The following CCDC171 variants were observed in gnomAD, a reference collection of about 807,000 sequenced individuals.
CCDC171 encodes coiled-coil domain containing 171.
In CCDC171, 177 loss-of-function variants were observed where a neutral mutation model predicts 168.2. The observed-to-expected ratio is 1.05, with a 90% CI of 0.93 to 1.19. The LOEUF is 1.19. CCDC171 is among the 50% of genes most tolerant of loss of function. CCDC171 has a pLI of 0.00. For missense variants in CCDC171, 1,991 were observed against 1,539.0 expected (o/e 1.29, Z -4.91); for synonymous variants, 687 against 540.8 (o/e 1.27, Z -3.75).
chr9:15,918,645 A>G (rs1008654083), intron 24 of CCDC171, among the ~76,000 whole-genome samples: 4 of 150,948 alleles, frequency 2.6e-5, no homozygotes, highest in African/African-American at 9.7e-5. Context: ...AGGTTAGGAT[A>G]TGTCAGATAT....
chr9:16,021,749 G>T (rs1224335921), intron 4 of CCDC171, among the ~76,000 whole-genome samples: 1 of 152,202 alleles, frequency 6.6e-6, no homozygotes, highest in Admixed American at 6.5e-5. Context: ...ATGAAATAAT[G>T]TGAGCAAAAG....
chr9:15,590,944 G>C (rs954547341), intron 4 of CCDC171, among the ~76,000 whole-genome samples: 3 of 150,832 alleles, frequency 2.0e-5, no homozygotes, highest in Non-Finnish European at 4.4e-5. Flanking sequence ...TGAACTCCTA[G>C]GCTCAAGTGA....
chr9:16,033,394 A>G (rs1373612756), intron 6 of CCDC171, among the ~76,000 whole-genome samples: 2 of 152,174 alleles, frequency 1.3e-5, no homozygotes, highest in African/African-American at 4.8e-5. Flanking sequence ...ACCTCCTATC[A>G]GAACAGCAGC....
intron 7 of CCDC171, among the ~76,000 whole-genome samples, chr9:15,643,416 A>T (rs368235030): frequency 6.6e-6 from 1 of 152,196 alleles, no homozygotes; most frequent in Non-Finnish European, 1.5e-5. Context: ...ATCATGCTTT[A>T]TACCTACAAC....
At chr9:15,598,642 A>C (rs530244811) in intron 6 of CCDC171, among the ~76,000 whole-genome samples, 1 of 152,124 alleles carries the variant, frequency 6.6e-6, no homozygotes, top group East Asian at 1.9e-4. Context: ...TGGTGTGGAG[A>C]GTTCTGTAGA....
intron 7 of CCDC171, among the ~76,000 whole-genome samples, chr9:15,633,293 C>A (rs1260061662): frequency 6.6e-6 from 1 of 152,046 alleles, no homozygotes; most frequent in African/African-American, 2.4e-5. Flanking sequence ...GGCTAATATC[C>A]AGAATCTACA....
At chr9:15,687,322 G>A (rs1390662685) in intron 10 of CCDC171, among the ~76,000 whole-genome samples, 1 of 152,012 alleles carries the variant, frequency 6.6e-6, no homozygotes, top group Non-Finnish European at 1.5e-5. Context: ...GGGGCATGGT[G>A]GTCCATGCCT....
At chr9:15,649,589 G>A (rs1428818304) in intron 7 of CCDC171, among the ~76,000 whole-genome samples, 1 of 152,120 alleles carries the variant, frequency 6.6e-6, no homozygotes, top group African/African-American at 2.4e-5. Context: ...GTGGGTGAAG[G>A]ATATGAACAG....
In CCDC171 at chr9:15,971,963, A is replaced by C. The variant is rs1411688074; in HGVS notation, c.*127A>C. The C allele has an allele frequency of 2.7e-6, 2 of 727,934 alleles. No homozygotes were observed. Among genetic ancestry groups the C allele is most frequent in the Non-Finnish European group, 4.6e-6 (2 of 435,098 alleles). 45.1% of individuals were successfully genotyped at this position (727,934 alleles called of 1,614,324 possible). Reference sequence around the variant, plus strand: ...AGTGGATTTAAAAAATTTGTGCGCTATCTTGATGTATTCTGGTAGCTCTGT... The same window carrying C: ...AGTGGATTTAAAAAATTTGTGCGCTCTCTTGATGTATTCTGGTAGCTCTGT... On this transcript the variant is annotated 3_prime_UTR_variant, in exon 26 of 26. Coordinates refer to ENST00000380701, the MANE Select transcript of CCDC171 (RefSeq NM_173550.4).
chr9:15,852,504 A>T (rs1483778842), intron 23 of CCDC171, among the ~76,000 whole-genome samples: 1 of 151,702 alleles, frequency 6.6e-6, no homozygotes. Flanking sequence ...ATATGAATTG[A>T]AAACATTTTC....
rs535808793 is a variant in CCDC171, at chr9:15,584,057, C to T, written c.352+5034C>T. Among the ~76,000 whole-genome samples the T allele has an allele frequency of 1.5e-4, 23 of 152,156 alleles. 1 individual carries two copies. In the East Asian group the frequency reaches 3.3e-3, roughly 22 times the overall value. ...AATTTTCTTGTATTTTTAGTAGAGA[C>T]GGGGTTTCACCATCTTGGCCAGGCG... On this transcript the variant is annotated intron_variant, in intron 4 of 25. Transcript: ENST00000380701.
At chr9:16,038,520 G>A (rs1054764911), upstream of CCDC171, among the ~76,000 whole-genome samples, 1 of 151,930 alleles carries the variant, frequency 6.6e-6, no homozygotes, top group Admixed American at 6.6e-5. Flanking sequence ...AAAAATGTAA[G>A]GGTAACATCT....
intron 3 of CCDC171, among the ~76,000 whole-genome samples, chr9:15,575,104 A>T (rs2040536054): frequency 2.0e-5 from 3 of 152,048 alleles, no homozygotes; most frequent in Admixed American, 1.3e-4. Context: ...TAACAGAGCA[A>T]GAAAATCCAG....
Position 15,572,841 on chromosome 9 carries a change from C to T in CCDC171, c.177+1082C>T, listed in dbSNP as rs576314480. Among the ~76,000 whole-genome samples, 35 of 152,188 alleles carry T rather than the reference C, an allele frequency of 2.3e-4. No homozygotes were observed. In the South Asian group the frequency reaches 7.1e-3, roughly 31 times the overall value. On this transcript the variant is annotated intron_variant, in intron 3 of 25. Transcript: ENST00000380701. ...TTATGTTTACTGGCACATAATAGGC[C>T]GTCAGTAGTTGTGTATTGAATAAAT...
chr9:15,807,966 T>C (rs988867434), intron 21 of CCDC171, among the ~76,000 whole-genome samples: 1 of 151,886 alleles, frequency 6.6e-6, no homozygotes, highest in Non-Finnish European at 1.5e-5. Flanking sequence ...TGCTACTGGT[T>C]GTTCAGTATC....
chr9:15,662,385 A>G (rs1041276992), intron 8 of CCDC171, among the ~76,000 whole-genome samples: 2 of 151,792 alleles, frequency 1.3e-5, no homozygotes, highest in African/African-American at 2.4e-5. Flanking sequence ...ATGTTGAAAC[A>G]TTTTCATAGT....
chr9:15,691,406 A>C (rs1457291435), intron 10 of CCDC171, among the ~76,000 whole-genome samples: 1 of 150,964 alleles, frequency 6.6e-6, no homozygotes, highest in Non-Finnish European at 1.5e-5. Flanking sequence ...ACACATTGTG[A>C]ATAAAACTTA....
chr9:16,041,648 G>T (rs1439065688), upstream of CCDC171, among the ~76,000 whole-genome samples: 1 of 152,074 alleles, frequency 6.6e-6, no homozygotes, highest in Non-Finnish European at 1.5e-5. Flanking sequence ...AACTAGGATT[G>T]GATTAATTAA....
At chr9:15,674,791 A>G (rs983397698) in intron 9 of CCDC171, among the ~76,000 whole-genome samples, 2 of 152,150 alleles carry the variant, frequency 1.3e-5, no homozygotes, top group Admixed American at 6.5e-5. Flanking sequence ...TATGTGGTCA[A>G]TTTTAGAATA....
Sources: gnomAD v4.1 joint callset for allele counts (sites outside exome capture counted in the v4.1 genomes callset) on GRCh38, gnomAD v4.1.1 for gene constraint, MANE v1.5 for transcripts, NCBI Gene and HGNC (gene_info 2026-07-23, HGNC 2026-07-21) for gene names.